Variants in SUPT3H observed in about 807,000 individuals in gnomAD.
The protein encoded by SUPT3H is SPT3 homolog, SAGA and STAGA complex component, also known as transcription initiation protein SPT3 homolog.
Under a neutral mutation model 44.3 loss-of-function variants are expected in SUPT3H, and 44 were observed. The ratio of observed to expected loss-of-function variants is 0.99; its 90% CI spans 0.78 to 1.28. The LOEUF is 1.28. Among genes scored for constraint, SUPT3H ranks in the 50% most tolerant of loss-of-function variants. The pLI, the probability that SUPT3H is intolerant of heterozygous loss-of-function variation, is 0.00. For synonymous variants in SUPT3H, 124 were observed against 125.6 expected (o/e 0.99, Z 0.09); for missense variants, 380 against 387.1 (o/e 0.98, Z 0.15).
At chr6:45,294,879 T>A (rs1185157917) in intron 2 of SUPT3H, among the ~76,000 whole-genome samples, 1 of 151,360 alleles carries the variant, frequency 6.6e-6, no homozygotes, top group Non-Finnish European at 1.5e-5. Flanking sequence ...CCCATCCTAA[T>A]GGATGGGTAG....
chr6:45,182,279 G>C (rs1813406275), intron 2 of SUPT3H, among the ~76,000 whole-genome samples: 2 of 152,116 alleles, frequency 1.3e-5, no homozygotes, highest in Non-Finnish European at 2.9e-5. Context: ...TTTATTTTAA[G>C]AGACAGAGTC....
intron 2 of SUPT3H, among the ~76,000 whole-genome samples, chr6:45,296,026 C>T (rs113988043): frequency 0.026 from 3,939 of 152,094 alleles, 187 homozygotes; most frequent in African/African-American, 0.089. Flanking sequence ...CTTGCACACA[C>T]GTTTATAGCA....
intron 2 of SUPT3H, among the ~76,000 whole-genome samples, chr6:45,116,349 C>T (rs895237218): frequency 1.3e-5 from 2 of 152,106 alleles, no homozygotes; most frequent in Admixed American, 6.5e-5. Context: ...CAACTGCGCA[C>T]GTTTCTCTCT....
chr6:45,315,922 CAGATAGATAGATAGAT>C (rs59633405), intron 2 of SUPT3H, among the ~76,000 whole-genome samples: 2,365 of 145,576 alleles, frequency 0.016, 29 homozygotes, highest in Non-Finnish European at 0.024. Flanking sequence ...CTCAGATAGA[CAGATAGATAGATAGAT>C]AGATAGATAG....
At chr6:44,838,111 A>T (rs2153414431) in intron 10 of SUPT3H, among the ~76,000 whole-genome samples, 1 of 152,368 alleles carries the variant, frequency 6.6e-6, no homozygotes, top group East Asian at 1.9e-4. Context: ...AAAAATTATG[A>T]CAAAAATCAG....
intron 2 of SUPT3H, among the ~76,000 whole-genome samples, chr6:45,216,825 A>G (rs1405233740): frequency 6.6e-6 from 1 of 152,174 alleles, no homozygotes; most frequent in East Asian, 1.9e-4. Context: ...ACCTAACGAG[A>G]GAAACAGACT....
At chr6:45,257,317 T>TC (rs2153655797) in intron 2 of SUPT3H, among the ~76,000 whole-genome samples, 2 of 152,322 alleles carry the variant, frequency 1.3e-5, no homozygotes, top group South Asian at 4.1e-4. Flanking sequence ...AGGGAAATGC[T>TC]GAGATTTTCA....
At chr6:45,130,386 C>G (rs1285003) in intron 2 of SUPT3H, among the ~76,000 whole-genome samples, 130,780 of 152,128 alleles carry the variant, frequency 0.86, 56,424 homozygotes, top group African/African-American at 0.88. Flanking sequence ...TGATATTCCA[C>G]TGTATGAATA....
rs190708872 is a variant in SUPT3H, at chr6:45,206,620, G to A, written c.102-100614C>T. On this transcript the variant is annotated intron_variant, in intron 2 of 10. Transcript: ENST00000371459. ...AGAATAAAACAAGGGGCAGGGGGTA[G>A]AAATGAAAAACAGGAGCAAAAGTAG... is the stretch of plus-strand genomic sequence containing the variant. Among the ~76,000 whole-genome samples, 329 of 152,206 alleles carry A rather than the reference G, an allele frequency of 2.2e-3. 2 individuals are homozygous for A. Among genetic ancestry groups the A allele is most frequent in the Admixed American group, 7.7e-3 (118 of 15,280 alleles).
intron 2 of SUPT3H, among the ~76,000 whole-genome samples, chr6:45,187,881 C>T (rs1011809156): frequency 6.6e-6 from 1 of 152,248 alleles, no homozygotes; most frequent in African/African-American, 2.4e-5. Flanking sequence ...CATAGTTTCA[C>T]TTTCTGAGGT....
chr6:44,866,037 G>C (rs1775446246), intron 10 of SUPT3H, among the ~76,000 whole-genome samples: 1 of 150,982 alleles, frequency 6.6e-6, no homozygotes, highest in Admixed American at 6.6e-5. Context: ...AGGTCTAAGA[G>C]AGATAACAGG....
At chr6:45,002,642 T>C (rs1038127131) in intron 6 of SUPT3H, among the ~76,000 whole-genome samples, 5 of 152,062 alleles carry the variant, frequency 3.3e-5, no homozygotes, top group African/African-American at 1.2e-4. Context: ...CAAGGCAAAG[T>C]TGAACTAAAA....
intron 3 of SUPT3H, among the ~76,000 whole-genome samples, chr6:45,089,229 T>C (rs1397522832): frequency 1.3e-5 from 2 of 152,016 alleles, no homozygotes; most frequent in Non-Finnish European, 2.9e-5. Flanking sequence ...TTTCAAAGCA[T>C]TATGAGTAAG....
intron 2 of SUPT3H, among the ~76,000 whole-genome samples, chr6:45,176,199 C>A (rs373506631): frequency 6.6e-6 from 1 of 151,590 alleles, no homozygotes; most frequent in Non-Finnish European, 1.5e-5. Context: ...AGACAGTGGG[C>A]GCAGGTCAGT....
At chr6:44,911,473 T>C (rs564353084) in intron 10 of SUPT3H, among the ~76,000 whole-genome samples, 38 of 152,342 alleles carry the variant, frequency 2.5e-4, no homozygotes, top group African/African-American at 8.4e-4. Flanking sequence ...TTCTGGAATT[T>C]ATGCCAAAAT....
intron 2 of SUPT3H, among the ~76,000 whole-genome samples, chr6:45,357,485 T>C (rs973234559): frequency 1.3e-5 from 2 of 151,908 alleles, no homozygotes; most frequent in Non-Finnish European, 2.9e-5. Context: ...GCCCAGATAA[T>C]TGCTTTTAAT....
intron 10 of SUPT3H, among the ~76,000 whole-genome samples, chr6:44,854,614 T>C (rs554733700): frequency 7.2e-4 from 109 of 152,282 alleles, no homozygotes; most frequent in African/African-American, 2.2e-3. Context: ...CTCTCTTTTC[T>C]TTACGCTTCT....
chr6:45,115,274 C>G (rs570663221), intron 2 of SUPT3H, among the ~76,000 whole-genome samples: 4 of 152,060 alleles, frequency 2.6e-5, no homozygotes, highest in Admixed American at 2.0e-4. Context: ...GAGATAGTCA[C>G]AGAGATAAGA....
At chr6:44,881,020 G>A (rs1022019483) in intron 10 of SUPT3H, among the ~76,000 whole-genome samples, 5 of 152,088 alleles carry the variant, frequency 3.3e-5, no homozygotes, top group East Asian at 3.9e-4. Context: ...TAACCAGCTG[G>A]CATCATAATG....
Sources: gnomAD v4.1 joint callset for allele counts (sites outside exome capture counted in the v4.1 genomes callset) on GRCh38, gnomAD v4.1.1 for gene constraint, MANE v1.5 for transcripts, NCBI Gene and HGNC (gene_info 2026-07-23, HGNC 2026-07-21) for gene names.